Variants in ZYG11B observed in about 807,000 individuals in gnomAD.
The protein encoded by ZYG11B is zyg-11 family member B, cell cycle regulator, also known as protein zyg-11 homolog B.
ZYG11B carries 36 observed loss-of-function variants against 82.4 expected under a neutral mutation model. The ratio of observed to expected loss-of-function variants is 0.44; its 90% CI spans 0.33 to 0.58. The LOEUF (loss-of-function observed/expected upper bound fraction) is 0.58, where lower values mean the gene tolerates loss of function less well. ZYG11B is among the 20% of genes least tolerant of loss of function. ZYG11B has a pLI of 0.02. For synonymous variants in ZYG11B, 303 were observed against 312.8 expected, an observed-to-expected ratio of 0.97 and a Z score of 0.33; for missense variants, 552 against 895.6, an observed-to-expected ratio of 0.62 and a Z score of 4.90.
chr1:52,808,351 C>T (rs575857469), intron 10 of ZYG11B, among the ~76,000 whole-genome samples: 1 of 151,716 alleles, frequency 6.6e-6, no homozygotes, highest in East Asian at 1.9e-4. Context: ...GCAACAAGAG[C>T]GAAACTCCAT....
At chr1:52,787,748 A>T (rs1421157743) in intron 5 of ZYG11B, among the ~76,000 whole-genome samples, 2 of 152,172 alleles carry the variant, frequency 1.3e-5, no homozygotes, top group African/African-American at 4.8e-5. Flanking sequence ...TATTTTGTAA[A>T]TATTTTTCTG....
chr1:52,788,147 T>G (rs999311044), intron 5 of ZYG11B, among the ~76,000 whole-genome samples: 21 of 152,136 alleles, frequency 1.4e-4, no homozygotes, highest in Non-Finnish European at 2.9e-4. Flanking sequence ...ATGAGGCCAG[T>G]GATATCCAGG....
chr1:52,793,201 A>G (rs911054013), intron 6 of ZYG11B, among the ~76,000 whole-genome samples: 1 of 151,636 alleles, frequency 6.6e-6, no homozygotes, highest in Admixed American at 6.6e-5. Flanking sequence ...AGGTTAAGGA[A>G]TTTGGTCAGA....
chr1:52,736,494 C>T (rs1365711706), intron 1 of ZYG11B, among the ~76,000 whole-genome samples: 1 of 151,796 alleles, frequency 6.6e-6, no homozygotes, highest in Non-Finnish European at 1.5e-5. Flanking sequence ...GCTCTGTCAC[C>T]CAGGCTGGAG....
chr1:52,781,217 G>A (rs1412904851), intron 4 of ZYG11B, among the ~76,000 whole-genome samples: 2 of 152,040 alleles, frequency 1.3e-5, no homozygotes, highest in East Asian at 1.9e-4. Context: ...GCTTATTTGT[G>A]GCCAGGCATG....
Position 52,756,596 on chromosome 1 carries a change from C to G in ZYG11B, c.169C>G (p.Arg57Gly). 6.2e-7 allele frequency: 1 copy of G among 1,613,652 alleles called. No individual in the cohort carries two copies. Among genetic ancestry groups the G allele is most frequent in the Non-Finnish European group, 8.5e-7 (1 of 1,179,838 alleles). The part of the protein sequence containing the change: ...PGVFPQEVAD[R>G]LLRTMAFHGL... ...AGTATTCCCACAGGAGGTGGCTGAT[C>G]GACTGCTTCGGACCATGGCTTTTCA... is the stretch of plus-strand genomic sequence containing the variant. Residue 57 changes from arginine (R) to glycine (G), a missense_variant, in exon 2 of 14, where the codon CGA becomes GGA. Physicochemically the swap from Arg to Gly is moderately radical, Grantham distance 125 (BLOSUM62 -2). Transcript: ENST00000294353.
At chr1:52,819,675 T>C (rs1645265564) in intron 13 of ZYG11B, among the ~76,000 whole-genome samples, 1 of 151,102 alleles carries the variant, frequency 6.6e-6, no homozygotes. Flanking sequence ...TACTCTCAGC[T>C]ACTAGGGAGG....
intron 10 of ZYG11B, among the ~76,000 whole-genome samples, chr1:52,803,265 TACAC>T (rs1227030663): frequency 9.7e-5 from 7 of 72,328 alleles, no homozygotes; most frequent in African/African-American, 3.1e-4. Flanking sequence ...TATATATATA[TACAC>T]ACACACACAC....
At chr1:52,790,555 A>G (rs1412496843) in intron 6 of ZYG11B, among the ~76,000 whole-genome samples, 1 of 151,930 alleles carries the variant, frequency 6.6e-6, no homozygotes, top group Admixed American at 6.6e-5. Context: ...CCCTGTCTCT[A>G]CTAAAGATAC....
At chr1:52,802,221 C>T in intron 10 of ZYG11B, 82 bp downstream of exon 10, 1 of 1,372,994 alleles carries the variant, frequency 7.3e-7, no homozygotes, top group Non-Finnish European at 1.0e-6. Flanking sequence ...TGCAGCTCTG[C>T]AGTGGCAGTA....
intron 2 of ZYG11B, among the ~76,000 whole-genome samples, chr1:52,761,154 T>G (rs1644627153): frequency 1.3e-5 from 2 of 152,196 alleles, no homozygotes; most frequent in Admixed American, 6.6e-5. Flanking sequence ...GTGATAAGAT[T>G]GGAGTAATTA....
chr1:52,733,983 T>C (rs1644356928), intron 1 of ZYG11B, among the ~76,000 whole-genome samples: 1 of 152,122 alleles, frequency 6.6e-6, no homozygotes. Flanking sequence ...CAAATTGAAA[T>C]AGACATAATT....
chr1:52,783,535 G>A (rs1282988020), intron 4 of ZYG11B, among the ~76,000 whole-genome samples: 1 of 151,432 alleles, frequency 6.6e-6, no homozygotes. Flanking sequence ...GTATATGTAC[G>A]TATGCTGGTA....
intron 2 of ZYG11B, 117 bp from the exon 3 acceptor site, chr1:52,770,903 T>C (rs1230042571): frequency 1.3e-5 from 15 of 1,125,212 alleles, no homozygotes; most frequent in Non-Finnish European, 1.9e-5. Context: ...AAATGAATTG[T>C]GATTATCAGA....
chr1:52,737,662 G>C (rs1316396831), intron 1 of ZYG11B, among the ~76,000 whole-genome samples: 2 of 152,178 alleles, frequency 1.3e-5, no homozygotes, highest in Non-Finnish European at 2.9e-5. Context: ...TATTTGGGAG[G>C]CTGAGGCAAG....
At chr1:52,783,911 T>TA (rs1194297341) in intron 4 of ZYG11B, among the ~76,000 whole-genome samples, 1 of 56,204 alleles carries the variant, frequency 1.8e-5, no homozygotes, top group Non-Finnish European at 3.7e-5. Flanking sequence ...TGTATATACA[T>TA]CTATACATAT....
At chr1:52,774,135 A>G (rs1012242324) in intron 3 of ZYG11B, among the ~76,000 whole-genome samples, 5 of 111,352 alleles carry the variant, frequency 4.5e-5, no homozygotes, top group African/African-American at 1.9e-4. Flanking sequence ...GTTTTACAAT[A>G]ACTTTTTTTT....
At chr1:52,784,384 C>T (rs1452281012) in intron 4 of ZYG11B, among the ~76,000 whole-genome samples, 1 of 152,170 alleles carries the variant, frequency 6.6e-6, no homozygotes, top group Non-Finnish European at 1.5e-5. Context: ...GCAAGATCTT[C>T]AGCTGATAGT....
chr1:52,783,812 A>ACC (rs1439974704), intron 4 of ZYG11B, among the ~76,000 whole-genome samples: 1 of 51,438 alleles, frequency 1.9e-5, no homozygotes, highest in East Asian at 1.0e-3. Flanking sequence ...ATATACACAC[A>ACC]CACGTATATG....
Sources: gnomAD v4.1 joint callset for allele counts (sites outside exome capture counted in the v4.1 genomes callset) on GRCh38, gnomAD v4.1.1 for gene constraint, MANE v1.5 for transcripts, NCBI Gene and HGNC (gene_info 2026-07-23, HGNC 2026-07-21) for gene names.